Variants in DERA observed in about 807,000 individuals in gnomAD.
DERA encodes deoxyribose-phosphate aldolase.
A neutral mutation model predicts 41.1 loss-of-function variants in DERA; 15 were observed. The ratio of observed to expected loss-of-function variants is 0.37; its 90% CI spans 0.24 to 0.56. The LOEUF is 0.56. DERA is among the 20% of genes least tolerant of loss of function. The pLI is 0.81. For synonymous variants in DERA, 139 were observed against 137.4 expected, an observed-to-expected ratio of 1.01 and a Z score of -0.08; for missense variants, 396 against 403.4, an observed-to-expected ratio of 0.98 and a Z score of 0.16.
Position 16,014,390 on chromosome 12 carries a change from T to C in DERA, c.638-18152T>C, listed in dbSNP as rs1205892900. The stretch of plus-strand genomic sequence containing the variant: ...TGTATAGTCTCAGGACTTGGTGCCC[T>C]GCATCCCGGCCGTGGCTAAAAGAAG... On this transcript the variant is annotated intron_variant, in intron 6 of 8. Transcript: ENST00000428559. The surrounding 1 kb of genome is among the most constrained non-coding windows in gnomAD (Gnocchi z 5.4). Among the ~76,000 whole-genome samples the C allele has an allele frequency of 6.6e-6, 1 of 152,176 alleles. No homozygotes were observed. Among genetic ancestry groups the C allele is most frequent in the Non-Finnish European group, 1.5e-5 (1 of 68,022 alleles).
At chr12:15,920,276 T>G (rs1006340564) in intron 1 of DERA, among the ~76,000 whole-genome samples, 9 of 152,146 alleles carry the variant, frequency 5.9e-5, no homozygotes, top group Admixed American at 4.6e-4. Context: ...CAGAAAGGCA[T>G]GTTTGTTATC....
intron 6 of DERA, among the ~76,000 whole-genome samples, chr12:16,006,603 T>A (rs1249879123): frequency 6.6e-6 from 1 of 152,226 alleles, no homozygotes; most frequent in African/African-American, 2.4e-5. Flanking sequence ...TCCTAACCTG[T>A]CACCGCTCCT....
At chr12:15,974,641 A>G (rs1442344229) in intron 5 of DERA, among the ~76,000 whole-genome samples, 4 of 152,176 alleles carry the variant, frequency 2.6e-5, no homozygotes, top group Non-Finnish European at 5.9e-5. Context: ...ATTAATAAGT[A>G]TTTTGCATTT....
intron 6 of DERA, among the ~76,000 whole-genome samples, chr12:16,022,987 G>T (rs1464487008): frequency 3.3e-5 from 5 of 152,122 alleles, no homozygotes; most frequent in African/African-American, 1.2e-4. Context: ...CCTACTCTAG[G>T]ACAAAATACT....
At chr12:16,022,888 AGAG>A (rs1949025767) in intron 6 of DERA, among the ~76,000 whole-genome samples, 2 of 152,166 alleles carry the variant, frequency 1.3e-5, no homozygotes, top group African/African-American at 4.8e-5. Context: ...CTCACAGTGA[AGAG>A]CCAAAGAAGG....
chr12:15,920,167 A>G (rs1186216513), intron 1 of DERA, among the ~76,000 whole-genome samples: 1 of 152,202 alleles, frequency 6.6e-6, no homozygotes, highest in Non-Finnish European at 1.5e-5. Flanking sequence ...ATTACCTCTT[A>G]TGAATATTTC....
intron 6 of DERA, among the ~76,000 whole-genome samples, chr12:16,022,124 C>T (rs1949020526): frequency 6.6e-6 from 1 of 152,194 alleles, no homozygotes; most frequent in African/African-American, 2.4e-5. Context: ...GAGGCAGGGC[C>T]TGGTGGAAGG....
Position 15,959,718 on chromosome 12 carries a change from A to T in DERA, c.278-111A>T. 1.5e-6 allele frequency: 1 copy of T among 653,158 alleles called. No homozygotes were observed. Among genetic ancestry groups the T allele is most frequent in the Non-Finnish European group, 2.6e-6 (1 of 382,534 alleles). The allele number at this position is 653,158 out of a possible 1,614,324, so 40.5% of individuals were successfully genotyped here. A position where few individuals can be genotyped will look rare whatever the true frequency, so the allele number is the denominator to read the frequency against. On this transcript the variant is annotated intron_variant, in intron 3 of 8. Coordinates refer to ENST00000428559, the MANE Select transcript of DERA (RefSeq NM_015954.4). The surrounding 1 kb of genome is among the most constrained non-coding windows in gnomAD (Gnocchi z 4.5). ...TTTATTGCAGTATTGTGGGGGAATT[A>T]TTTTTTTCTCATTTGATTTTTGCCA...
In DERA at chr12:16,036,045, GA is replaced by G. The variant is rs1949125526; in HGVS notation, c.751-183del. Among the ~76,000 whole-genome samples, 1 of 152,152 alleles carries G rather than the reference GA, an allele frequency of 6.6e-6. No homozygotes were observed. The highest frequency in any genetic ancestry group is 1.5e-5 in the Non-Finnish European group (1 of 68,038). On this transcript the variant is annotated intron_variant, in intron 7 of 8. Transcript: ENST00000428559. This position sits in a 1 kb window ranked among gnomAD's most constrained non-coding sequence, Gnocchi z 4.9. ...TAGTGACATTCTTCCAAAAATCTTG[GA>G]AAAGTTGTTTTGTAGTGTGAATGAG... is the stretch of plus-strand genomic sequence containing the variant.
At chr12:16,032,401 T>C in intron 6 of DERA, 141 bp from the exon 7 acceptor site, 1 of 575,078 alleles carries the variant, frequency 1.7e-6, no homozygotes, top group Non-Finnish European at 3.0e-6. Context: ...GAGATTTTGG[T>C]TTTAGTTTTT....
At position 15,911,436 on chromosome 12, in the gene DERA, C is replaced by A; in HGVS notation, c.31+22C>A. On this transcript the variant is annotated intron_variant, in intron 1 of 8. Transcript: ENST00000428559. The surrounding 1 kb of genome is among the most constrained non-coding windows in gnomAD (Gnocchi z 4.5). ...CTCGGTAAGGGGCCCGCGGGGCTCC[C>A]CATCCCCTCTCCCTCGCGTTCAGCG... The A allele has an allele frequency of 7.1e-7, 1 of 1,411,648 alleles. No homozygotes were observed. The highest frequency in any genetic ancestry group is 2.8e-5 in the East Asian group (1 of 35,848). The allele number at this position is 1,411,648 out of a possible 1,614,324, so 87.4% of individuals were successfully genotyped here.
In DERA at chr12:15,967,278, C is replaced by A. The variant is rs879925993; in HGVS notation, c.508+4331C>A. 6.6e-6 allele frequency among the ~76,000 whole-genome samples: 1 copy of A among 151,766 alleles called. No homozygotes were observed. Among genetic ancestry groups the A allele is most frequent in the South Asian group, 2.1e-4 (1 of 4,796 alleles). On this transcript the variant is annotated intron_variant, in intron 5 of 8. Transcript: ENST00000428559. This position sits in a 1 kb window ranked among gnomAD's most constrained non-coding sequence, Gnocchi z 4.9. The stretch of plus-strand genomic sequence containing the variant: ...AGGTTGGGCCTGAGATGGGAGGATT[C>A]CTTGAATGTGGGAGGATTCCTTGAG...
chr12:15,935,714 A>G lies in DERA; in HGVS notation c.32-21222A>G, dbSNP rs940521412. Among the ~76,000 whole-genome samples the G allele has an allele frequency of 3.1e-4, 47 of 152,278 alleles. No homozygotes were observed. Among genetic ancestry groups the G allele is most frequent in the African/African-American group, 9.9e-4 (41 of 41,544 alleles). Reference sequence around the variant, plus strand: ...CAGGTTGCTACTAGAATCTTTTCATATTGGTTTCTATATGTTGTTTGTTGT... The same window carrying G: ...CAGGTTGCTACTAGAATCTTTTCATGTTGGTTTCTATATGTTGTTTGTTGT... On this transcript the variant is annotated intron_variant, in intron 1 of 8. Transcript: ENST00000428559. This position sits in a 1 kb window ranked among gnomAD's most constrained non-coding sequence, Gnocchi z 4.8.
At chr12:16,018,960 T>C (rs1949001582) in intron 6 of DERA, among the ~76,000 whole-genome samples, 1 of 152,126 alleles carries the variant, frequency 6.6e-6, no homozygotes. Context: ...GGGATAGCTA[T>C]TGTAATTTGA....
chr12:15,944,839 C>G (rs566569097), intron 1 of DERA, among the ~76,000 whole-genome samples: 2 of 152,252 alleles, frequency 1.3e-5, no homozygotes, highest in East Asian at 3.9e-4. Context: ...CCTAGGTTTT[C>G]TTCTAGGGTT....
intron 5 of DERA, among the ~76,000 whole-genome samples, chr12:15,973,490 A>G (rs1948677764): frequency 6.6e-6 from 1 of 152,162 alleles, no homozygotes; most frequent in Non-Finnish European, 1.5e-5. Context: ...TAATGTTTGA[A>G]TTTTTAACAA....
chr12:16,033,818 C>T (rs1949109942), intron 7 of DERA, among the ~76,000 whole-genome samples: 1 of 151,864 alleles, frequency 6.6e-6, no homozygotes, highest in African/African-American at 2.4e-5. Context: ...AAATAAACTC[C>T]TTCCAGAATT....
In DERA at chr12:15,927,495, C is replaced by A. The variant is rs1343057157; in HGVS notation, c.31+16081C>A. The stretch of plus-strand genomic sequence containing the variant: ...TAATAGCAAAATTACTGTTATAATT[C>A]TCAGTAGGTCATTTAAAAAATATTT... On this transcript the variant is annotated intron_variant, in intron 1 of 8. Transcript: ENST00000428559. 2.0e-5 allele frequency among the ~76,000 whole-genome samples: 3 copies of A among 152,170 alleles called. No homozygotes were observed. In the East Asian group the frequency reaches 5.8e-4, roughly 29 times the overall value.
rs990159810 is a variant in DERA, at chr12:15,982,623, A to ATT, written c.637+195_637+196dup. 6.6e-6 allele frequency among the ~76,000 whole-genome samples: 1 copy of ATT among 151,296 alleles called. No individual in the cohort carries two copies. The highest frequency in any genetic ancestry group is 1.5e-5 in the Non-Finnish European group (1 of 67,776). On this transcript the variant is annotated intron_variant, in intron 6 of 8. Transcript: ENST00000428559. This position sits in a 1 kb window ranked among gnomAD's most constrained non-coding sequence, Gnocchi z 4.0. ...TCAAAAACTCCTGGCTTTCTTCCAC[A>ATT]TTTTTTTTTGTGTGTGTGTGGCATT...
Sources: gnomAD v4.1 joint callset for allele counts (sites outside exome capture counted in the v4.1 genomes callset) on GRCh38, gnomAD v4.1.1 for gene constraint, Gnocchi (gnomAD v3.1) non-coding constraint, MANE v1.5 for transcripts, NCBI Gene and HGNC (gene_info 2026-07-23, HGNC 2026-07-21) for gene names.